Variants in ZNF787 observed in about 807,000 individuals in gnomAD.
The protein encoded by ZNF787 is TTF-I-interacting peptide 20.
ZNF787 carries 7 observed loss-of-function variants against 16.9 expected under a neutral mutation model. The ratio of observed to expected loss-of-function variants is 0.42; its 90% CI spans 0.24 to 0.78. ZNF787 has a LOEUF of 0.78. ZNF787 is among the 30% of genes least tolerant of loss of function. ZNF787 has a pLI of 0.30. For synonymous variants in ZNF787, 345 were observed against 270.9 expected (o/e 1.27, Z -2.69); for missense variants, 551 against 589.3 (o/e 0.94, Z 0.67).
In ZNF787 at chr19:56,088,402, G is replaced by T. The variant is rs1985428883; in HGVS notation, c.770C>A (p.Ala257Glu). The change falls in exon 3 of 3, where the codon GCA becomes GAA. Residue 257 changes from alanine (A) to glutamate (E), a missense_variant. Around this residue, in one of 4 missense-constraint regions of ZNF787, gnomAD observed 392 missense variants for 312.7 expected, o/e 1.25. Coordinates refer to ENST00000610935, the MANE Select transcript of ZNF787 (RefSeq NM_001002836.4). This position sits in a 1 kb window ranked among gnomAD's most constrained non-coding sequence, Gnocchi z 8.6. ...CTTTGCCCCCGCGCCCGCCATGGCT[G>T]CCGCGGCCGCGGCCCCCTCGCCCGG... ...GAPGEGAAAA[A>E]AMAGAGAKAA... The T allele has an allele frequency of 9.0e-7, 1 of 1,107,840 alleles. No individual in the cohort carries two copies. The highest frequency in any genetic ancestry group is 1.7e-5 in the African/African-American group (1 of 58,520). The allele number at this position is 1,107,840 out of a possible 1,614,324, so 68.6% of individuals were successfully genotyped here.
intron 1 of ZNF787, chr19:56,103,539 G>A (rs1041095436): frequency 2.2e-5 from 8 of 361,864 alleles, no homozygotes; most frequent in Non-Finnish European, 2.5e-5. Flanking sequence ...ACCCCACCTC[G>A]CGCCTCCTCG....
chr19:56,106,840 A>T (rs1259105046), intron 1 of ZNF787, among the ~76,000 whole-genome samples: 3 of 152,262 alleles, frequency 2.0e-5, no homozygotes, highest in African/African-American at 7.2e-5. Flanking sequence ...AGCACGCGGA[A>T]CAGTGGGGCT....
At chr19:56,113,860 C>T (rs1333310712) in intron 1 of ZNF787, among the ~76,000 whole-genome samples, 2 of 152,094 alleles carry the variant, frequency 1.3e-5, no homozygotes, top group Admixed American at 6.6e-5. Context: ...AACAGAGTCT[C>T]GCTTTCTCGC....
chr19:56,120,744 A>T (rs1223082156), intron 1 of ZNF787, among the ~76,000 whole-genome samples: 1 of 141,090 alleles, frequency 7.1e-6, no homozygotes, highest in Non-Finnish European at 1.5e-5. Context: ...CTTCCCCCCG[A>T]AGTCGCCACC....
intron 1 of ZNF787, among the ~76,000 whole-genome samples, chr19:56,109,042 C>T (rs1024320551): frequency 2.6e-5 from 4 of 152,118 alleles, no homozygotes; most frequent in Admixed American, 1.3e-4. Flanking sequence ...CCCTCCTCCA[C>T]GGGAGCAAGG....
intron 1 of ZNF787, among the ~76,000 whole-genome samples, chr19:56,112,126 CG>C (rs1365863455): frequency 6.6e-6 from 1 of 152,124 alleles, no homozygotes; most frequent in East Asian, 1.9e-4. Context: ...ATGGGAGAGG[CG>C]GGGGCACCAG....
chr19:56,094,162 T>A (rs1467856899), intron 2 of ZNF787, among the ~76,000 whole-genome samples: 2 of 150,824 alleles, frequency 1.3e-5, no homozygotes, highest in Non-Finnish European at 2.9e-5. Flanking sequence ...TAGCAGGGAT[T>A]ACAGGCATGA....
intron 2 of ZNF787, among the ~76,000 whole-genome samples, chr19:56,096,830 G>C (rs769952141): frequency 6.6e-6 from 1 of 152,188 alleles, no homozygotes; most frequent in East Asian, 1.9e-4. Context: ...GTAAGACACC[G>C]GCTGAAGCTT....
chr19:56,107,507 G>GAGACACGGGGTCACCGT (rs2029874209), intron 1 of ZNF787, among the ~76,000 whole-genome samples: 2 of 134,366 alleles, frequency 1.5e-5, no homozygotes, highest in African/African-American at 7.0e-5. Flanking sequence ...CGGGGTCACT[G>GAGACACGGGGTCACCGT]TGAGACAATG....
At position 56,088,052 on chromosome 19, in the gene ZNF787, G is replaced by A. The variant is rs764474265; in HGVS notation, c.1120C>T (p.Pro374Ser). 1 of 1,384,122 alleles carries A rather than the reference G, an allele frequency of 7.2e-7. No individual in the cohort carries two copies. Among genetic ancestry groups the A allele is most frequent in the Non-Finnish European group, 9.3e-7 (1 of 1,072,296 alleles). The allele number at this position is 1,384,122 out of a possible 1,614,324, so 85.7% of individuals were successfully genotyped here. A position where few individuals can be genotyped will look rare whatever the true frequency, so the allele number is the denominator to read the frequency against. The stretch of plus-strand genomic sequence containing the variant: ...CGGCCCTCCCCACCGCGGCACTCGG[G>A]GCACCGCCCGCCCGCGGCCTCGTCG... The part of the protein sequence containing the change: ...DDDEAAGGRC[P>S]ECRGGEGR Residue 374 changes from proline to serine, a missense_variant, in exon 3 of 3, where the codon CCC becomes TCC. Pro to Ser is a moderately conservative substitution (Grantham distance 74). This residue lies in a region of ZNF787 where 392 missense variants were observed against 312.7 expected (regional missense o/e 1.25). Transcript: ENST00000610935. The surrounding 1 kb of genome is among the most constrained non-coding windows in gnomAD (Gnocchi z 8.6).
chr19:56,088,635 C>T lies in ZNF787; in HGVS notation c.537G>A (p.Val179=). 1 of 1,538,426 alleles carries T rather than the reference C, an allele frequency of 6.5e-7. No homozygotes were observed. Among genetic ancestry groups the T allele is most frequent in the South Asian group, 1.2e-5 (1 of 83,700 alleles). Residue 179 remains valine (V), a synonymous_variant, in exon 3 of 3, where the codon GTG becomes GTA. Coordinates refer to ENST00000610935, the MANE Select transcript of ZNF787 (RefSeq NM_001002836.4). The surrounding 1 kb of genome is among the most constrained non-coding windows in gnomAD (Gnocchi z 8.6). The part of the protein sequence containing the change: ...RRSHSGLKPF[V]CPRCGRGFSQ... ...TGAAGCCGCGGCCGCAGCGCGGGCACACGAAGGGCTTGAGGCCGCTGTGCG... is the reference window on the plus strand; with the variant it reads ...TGAAGCCGCGGCCGCAGCGCGGGCATACGAAGGGCTTGAGGCCGCTGTGCG...
chr19:56,119,882 G>A (rs2030237346), intron 1 of ZNF787, among the ~76,000 whole-genome samples: 1 of 152,238 alleles, frequency 6.6e-6, no homozygotes, highest in Non-Finnish European at 1.5e-5. Context: ...GCTAAGCCAG[G>A]ATCAACGCAA....
At chr19:56,092,379 G>A (rs1355187936) in intron 2 of ZNF787, among the ~76,000 whole-genome samples, 2 of 152,064 alleles carry the variant, frequency 1.3e-5, no homozygotes, top group African/African-American at 4.8e-5. Context: ...GAGGGGATGG[G>A]CTGGGGGGCG....
chr19:56,088,685 T>TGCGA lies in ZNF787; in HGVS notation c.486_487insTCGC (p.Lys163SerfsTer55). ...GAGCGCCGGTGCTTGGCCAGGCTCT[T>TGCGA]GCTCTGAGTGAAGCTGCGGCCGCAG... is the stretch of plus-strand genomic sequence containing the variant. On this transcript the variant is annotated frameshift_variant, in exon 3 of 3. Transcript: ENST00000610935. LOFTEE classifies it high-confidence loss of function. The surrounding 1 kb of genome is among the most constrained non-coding windows in gnomAD (Gnocchi z 8.6). The TGCGA allele has an allele frequency of 6.3e-7, 1 of 1,595,106 alleles. No individual in the cohort carries two copies. The highest frequency in any genetic ancestry group is 8.5e-7 in the Non-Finnish European group (1 of 1,173,528).
At chr19:56,092,793 A>G (rs1985680134) in intron 2 of ZNF787, among the ~76,000 whole-genome samples, 1 of 151,984 alleles carries the variant, frequency 6.6e-6, no homozygotes, top group African/African-American at 2.4e-5. Context: ...CGGAACTGGG[A>G]TACCCCATAG....
In ZNF787 at chr19:56,088,376, C is replaced by T. The variant is rs914799840; in HGVS notation, c.796G>A (p.Ala266Thr). ...GCGCGCCGCGACCGGGGCCCCGCGG[C>T]CTTTGCCCCCGCGCCCGCCATGGCT... is the stretch of plus-strand genomic sequence containing the variant. ...AAAMAGAGAKAAGPRSRRAPA... is the reference protein window; with the variant it reads ...AAAMAGAGAKTAGPRSRRAPA... Residue 266 changes from alanine (A) to threonine (T), a missense_variant, in exon 3 of 3, where the codon GCC becomes ACC. Around this residue, in one of 4 missense-constraint regions of ZNF787, gnomAD observed 392 missense variants for 312.7 expected, o/e 1.25. Coordinates refer to ENST00000610935, the MANE Select transcript of ZNF787 (RefSeq NM_001002836.4). The surrounding 1 kb of genome is among the most constrained non-coding windows in gnomAD (Gnocchi z 8.6). 1.8e-6 allele frequency: 2 copies of T among 1,110,864 alleles called. No homozygotes were observed. Among genetic ancestry groups the T allele is most frequent in the East Asian group, 5.2e-5 (1 of 19,394 alleles). 68.8% of individuals were successfully genotyped at this position (1,110,864 alleles called of 1,614,324 possible).
chr19:56,087,579 G>C lies in ZNF787; in HGVS notation c.*444C>G, dbSNP rs1474368611. 2 of 142,068 alleles carry C rather than the reference G, an allele frequency of 1.4e-5. No individual in the cohort carries two copies. Among genetic ancestry groups the C allele is most frequent in the East Asian group, 4.0e-4 (2 of 5,050 alleles). The allele number at this position is 142,068 out of a possible 1,614,324, so 8.8% of individuals were successfully genotyped here. A position where few individuals can be genotyped will look rare whatever the true frequency, so the allele number is the denominator to read the frequency against. On this transcript the variant is annotated 3_prime_UTR_variant, in exon 3 of 3. Coordinates refer to ENST00000610935, the MANE Select transcript of ZNF787 (RefSeq NM_001002836.4). ...GAGTCAAAAGGTGGGCTGATTAAAAGAAAATTCTAAAAGAGAAAAGGGCCC... is the reference window on the plus strand; with the variant it reads ...GAGTCAAAAGGTGGGCTGATTAAAACAAAATTCTAAAAGAGAAAAGGGCCC...
chr19:56,108,773 C>T (rs1355342247), intron 1 of ZNF787, among the ~76,000 whole-genome samples: 1 of 152,128 alleles, frequency 6.6e-6, no homozygotes. Context: ...GTGAGACCCA[C>T]GCGGAAGGAC....
rs775082880 is a variant in ZNF787, at chr19:56,088,101, C to G, written c.1071G>C (p.Ala357=). 3 of 1,524,718 alleles carry G rather than the reference C, an allele frequency of 2.0e-6. No homozygotes were observed. The highest frequency in any genetic ancestry group is 1.2e-5 in the South Asian group (1 of 83,824). 94.4% of individuals were successfully genotyped at this position (1,524,718 alleles called of 1,614,324 possible). A position where few individuals can be genotyped will look rare whatever the true frequency, so the allele number is the denominator to read the frequency against. ...CSSCGQSYYR[A]GGEEEDDDDE... is the part of the protein sequence containing the mutation. ...CGTCGTCGTCCTCCTCCTCCCCGCC[C>G]GCGCGGTAGTAGCTCTGTCCGCAGC... is the stretch of plus-strand genomic sequence containing the variant. The change falls in exon 3 of 3, where the codon GCG becomes GCC. Residue 357 remains alanine, a synonymous_variant. Transcript: ENST00000610935. The surrounding 1 kb of genome is among the most constrained non-coding windows in gnomAD (Gnocchi z 8.6).
Sources: allele counts gnomAD v4.1 joint callset (sites outside exome capture counted in the v4.1 genomes callset), GRCh38; gene constraint gnomAD v4.1.1; regional missense constraint gnomAD v4.1.1; non-coding constraint Gnocchi (gnomAD v3.1); transcripts MANE v1.5; gene names NCBI Gene and HGNC (gene_info 2026-07-23, HGNC 2026-07-21).